Variants in TOGARAM1 observed in about 807,000 individuals in gnomAD.
TOGARAM1 encodes TOG array regulator of axonemal microtubules 1, also known as TOG array regulator of axonemal microtubules protein 1.
A neutral mutation model predicts 166.6 loss-of-function variants in TOGARAM1; 100 were observed. The observed-to-expected ratio is 0.60, with a 90% CI of 0.51 to 0.71. TOGARAM1 has a LOEUF of 0.71. Among genes scored for constraint, TOGARAM1 ranks in the 30% least tolerant of loss-of-function variants. TOGARAM1 has a pLI of 0.00. For synonymous variants in TOGARAM1, 758 were observed against 763.8 expected (o/e 0.99, Z 0.13); for missense variants, 2,029 against 2,102.7 (o/e 0.96, Z 0.69).
intron 7 of TOGARAM1, among the ~76,000 whole-genome samples, chr14:45,022,713 T>C (rs1266859149): frequency 6.6e-6 from 1 of 152,086 alleles, no homozygotes; most frequent in Non-Finnish European, 1.5e-5. Context: ...GATTACCCCA[T>C]ACTCAGGGTC....
chr14:45,002,741 G>A (rs887184668), intron 3 of TOGARAM1, among the ~76,000 whole-genome samples: 2 of 152,172 alleles, frequency 1.3e-5, no homozygotes, highest in Admixed American at 1.3e-4. Flanking sequence ...GCTTTGGGAG[G>A]CCAAGGTGGG....
intron 7 of TOGARAM1, among the ~76,000 whole-genome samples, chr14:45,023,382 A>G (rs1880638661): frequency 6.6e-6 from 1 of 152,192 alleles, no homozygotes; most frequent in Non-Finnish European, 1.5e-5. Flanking sequence ...TCTGATATTG[A>G]TATTGATACC....
intron 17 of TOGARAM1, among the ~76,000 whole-genome samples, chr14:45,068,187 A>T (rs1473854215): frequency 6.6e-6 from 1 of 152,072 alleles, no homozygotes; most frequent in Non-Finnish European, 1.5e-5. Flanking sequence ...CTTTATTAGG[A>T]TGTCTTTTGG....
At chr14:45,044,072 G>C (rs1043167769) in intron 12 of TOGARAM1, among the ~76,000 whole-genome samples, 1 of 151,512 alleles carries the variant, frequency 6.6e-6, no homozygotes, top group Admixed American at 6.6e-5. Flanking sequence ...TGCAGTGGTG[G>C]GATCTCGGGT....
chr14:44,966,650 T>G (rs1170435765), intron 1 of TOGARAM1, among the ~76,000 whole-genome samples: 1 of 152,166 alleles, frequency 6.6e-6, no homozygotes, highest in Non-Finnish European at 1.5e-5. Context: ...GTCCCAAATT[T>G]AACTAGTGGC....
At chr14:45,000,094 T>C (rs1030019006) in intron 3 of TOGARAM1, among the ~76,000 whole-genome samples, 22 of 151,438 alleles carry the variant, frequency 1.5e-4, no homozygotes, top group African/African-American at 5.3e-4. Context: ...TGCCCCCGGG[T>C]TTTGAGCAAT....
chr14:45,051,880 A>C (rs995236465), intron 14 of TOGARAM1, among the ~76,000 whole-genome samples: 2 of 152,064 alleles, frequency 1.3e-5, no homozygotes, highest in Non-Finnish European at 2.9e-5. Flanking sequence ...CTTAACTTAC[A>C]ATGAGGTTAT....
rs1028505455 is a variant in TOGARAM1 at position 44,998,298 on chromosome 14, A to G, written c.2204-1065A>G. Among the ~76,000 whole-genome samples the G allele has an allele frequency of 1.8e-4, 27 of 152,266 alleles. 1 individual carries two copies. The highest frequency in any genetic ancestry group is 5.9e-5 in the Non-Finnish European group (4 of 68,044). ...ATTCTAAACAACTGGAAAATAAGAC[A>G]ATATGTAAGCTAATGCTTGATTGGA... is the stretch of plus-strand genomic sequence containing the variant. On this transcript the variant is annotated intron_variant, in intron 2 of 19. Coordinates refer to ENST00000361462, the MANE Select transcript of TOGARAM1 (RefSeq NM_001308120.2).
chr14:45,023,772 C>T (rs566844113), intron 7 of TOGARAM1, among the ~76,000 whole-genome samples: 8 of 152,180 alleles, frequency 5.3e-5, no homozygotes, highest in African/African-American at 1.9e-4. Flanking sequence ...CAGAGTCTCA[C>T]TCTTGTCGCC....
chr14:45,060,744 ATC>A (rs1882867676), intron 16 of TOGARAM1, among the ~76,000 whole-genome samples: 1 of 152,190 alleles, frequency 6.6e-6, no homozygotes, highest in Non-Finnish European at 1.5e-5. Context: ...AGTTGGGTTT[ATC>A]TGATATTTTC....
At chr14:45,033,540 C>T (rs1166127096) in intron 11 of TOGARAM1, among the ~76,000 whole-genome samples, 1 of 152,176 alleles carries the variant, frequency 6.6e-6, no homozygotes, top group Non-Finnish European at 1.5e-5. Context: ...TTAAAAAAAT[C>T]TGATAGAGCC....
At chr14:44,984,509 A>G (rs1442415588) in intron 1 of TOGARAM1, among the ~76,000 whole-genome samples, 1 of 151,974 alleles carries the variant, frequency 6.6e-6, no homozygotes, top group Non-Finnish European at 1.5e-5. Flanking sequence ...TGTAACAGCT[A>G]GAGGCAGTGG....
chr14:45,064,899 T>G (rs1176768231), intron 16 of TOGARAM1, among the ~76,000 whole-genome samples: 1 of 152,096 alleles, frequency 6.6e-6, no homozygotes, highest in Non-Finnish European at 1.5e-5. Context: ...TGTGAGTGCG[T>G]TTGTGTGCAT....
Position 45,011,274 on chromosome 14 carries a change from GGTA to G in TOGARAM1, c.3138-695_3138-693del, listed in dbSNP as rs545325844. Among the ~76,000 whole-genome samples the G allele has an allele frequency of 7.5e-3, 1,134 of 152,174 alleles. 4 individuals are homozygous for G. The highest frequency in any genetic ancestry group is 0.01 in the Non-Finnish European group (704 of 67,996). ...TTTTGTGTTATCATATATAAGGATAGGTAGTAGTTAGATAATTAAGAATGATTT... is the reference window on the plus strand; with the variant it reads ...TTTTGTGTTATCATATATAAGGATAGGTAGTTAGATAATTAAGAATGATTT... On this transcript the variant is annotated intron_variant, in intron 6 of 19. Coordinates refer to ENST00000361462, the MANE Select transcript of TOGARAM1 (RefSeq NM_001308120.2).
chr14:44,979,703 T>G (rs2138752501), intron 1 of TOGARAM1, among the ~76,000 whole-genome samples: 1 of 152,336 alleles, frequency 6.6e-6, no homozygotes, highest in South Asian at 2.1e-4. Context: ...AGTTGGTGCC[T>G]TAACCATTTC....
intron 7 of TOGARAM1, among the ~76,000 whole-genome samples, chr14:45,025,302 A>G (rs1880765034): frequency 6.6e-6 from 1 of 152,150 alleles, no homozygotes; most frequent in Non-Finnish European, 1.5e-5. Flanking sequence ...ATGGTGGCTC[A>G]TGCCTGTAAT....
In TOGARAM1 at chr14:44,999,405, C is replaced by G. The variant is rs767290731; in HGVS notation, c.2246C>G (p.Ala749Gly). 1 of 1,610,316 alleles carries G rather than the reference C, an allele frequency of 6.2e-7. No individual in the cohort carries two copies. The highest frequency in any genetic ancestry group is 8.5e-7 in the Non-Finnish European group (1 of 1,177,746). Residue 749 changes from alanine (A) to glycine (G), a missense_variant, in exon 3 of 20, where the codon GCA (alanine) becomes GGA (glycine). By Grantham distance (60) the Ala-to-Gly change is moderately conservative. Coordinates refer to ENST00000361462, the MANE Select transcript of TOGARAM1 (RefSeq NM_001308120.2). ...THQTNLSGKC[A>G]QLGFSQICGK... ...CAAACAAATCTTTCTGGGAAATGTGCACAACTTGGATTTTCACAAATATGT... is the reference window on the plus strand; with the variant it reads ...CAAACAAATCTTTCTGGGAAATGTGGACAACTTGGATTTTCACAAATATGT...
At position 45,044,673 on chromosome 14, in the gene TOGARAM1, G is replaced by C; in HGVS notation, c.3957G>C (p.Val1319=). ...GTTCTGGAGTTTCTCGTGCTGCTGTGGTCTGTTTAAGTGATCTTTTCACTT... is the reference window on the plus strand; with the variant it reads ...GTTCTGGAGTTTCTCGTGCTGCTGTCGTCTGTTTAAGTGATCTTTTCACTT... The part of the protein sequence containing the change: ...NLRSGVSRAA[V]VCLSDLFTYL... The change falls in exon 13 of 20, where the codon GTG becomes GTC. Residue 1319 remains valine, a synonymous_variant. Coordinates refer to ENST00000361462, the MANE Select transcript of TOGARAM1 (RefSeq NM_001308120.2). The C allele has an allele frequency of 6.2e-7, 1 of 1,612,770 alleles. No homozygotes were observed. The highest frequency in any genetic ancestry group is 1.1e-5 in the South Asian group (1 of 90,870).
Position 44,969,147 on chromosome 14 carries a change from T to TTCC in TOGARAM1, c.2046+4681_2046+4682insCCT, listed in dbSNP as rs777885504. ...CTTCCTTCCTTCCTTCCTTCCTTCCTTTCTTTCTTTCTTTTCTTTCTTTTC... is the reference window on the plus strand; with the variant it reads ...CTTCCTTCCTTCCTTCCTTCCTTCCTTCCTTCTTTCTTTCTTTTCTTTCTTTTC... On this transcript the variant is annotated intron_variant, in intron 1 of 19. Transcript: ENST00000361462. Among the ~76,000 whole-genome samples, 319 of 140,134 alleles carry TTCC rather than the reference T, an allele frequency of 2.3e-3. 2 individuals carry two copies. Among genetic ancestry groups the TTCC allele is most frequent in the African/African-American group, 9.5e-3 (304 of 32,164 alleles). 91.9% of individuals were successfully genotyped at this position (140,134 alleles called of 152,430 possible).
Sources: allele counts gnomAD v4.1 joint callset (sites outside exome capture counted in the v4.1 genomes callset), GRCh38; gene constraint gnomAD v4.1.1; transcripts MANE v1.5; gene names NCBI Gene and HGNC (gene_info 2026-07-23, HGNC 2026-07-21).